The following RYR2 variants were observed in gnomAD, a reference collection of about 807,000 sequenced individuals.
RYR2 encodes the protein cardiac muscle ryanodine receptor-calcium release channel.
Under a neutral mutation model 601.1 loss-of-function variants are expected in RYR2, and 227 were observed. That is an observed-to-expected ratio of 0.38 (90% confidence interval 0.34 to 0.42). RYR2 has a LOEUF of 0.42. Ranked by LOEUF, RYR2 falls within the 10% of genes least tolerant of loss-of-function variation. The pLI is 1.00. For missense variants in RYR2, 4,646 were observed against 6,156.5 expected, an observed-to-expected ratio of 0.75 and a Z score of 8.21; for synonymous variants, 2,223 against 2,175.1, an observed-to-expected ratio of 1.02 and a Z score of -0.61.
At chr1:237,608,322 G>A (rs1183043510) in intron 35 of RYR2, among the ~76,000 whole-genome samples, 1 of 152,120 alleles carries the variant, frequency 6.6e-6, no homozygotes, top group Non-Finnish European at 1.5e-5. Context: ...TGCCGTAGAT[G>A]GACTCATACA....
intron 63 of RYR2, among the ~76,000 whole-genome samples, chr1:237,692,662 AT>A (rs1446396520): frequency 6.6e-6 from 1 of 152,112 alleles, no homozygotes; most frequent in Non-Finnish European, 1.5e-5. Context: ...TGCTGTAATT[AT>A]CGCCTGAGTA....
rs1668565731 is a variant in RYR2 at position 237,105,525 on chromosome 1, T to A, written c.48+62956T>A. On this transcript the variant is annotated intron_variant, in intron 1 of 104. Coordinates refer to ENST00000366574, the MANE Select transcript of RYR2 (RefSeq NM_001035.3). ...CAGCCTGGCCAACATGGTGAAAACCTGTCTCTACTAAAAATACAAAAATTA... is the reference window on the plus strand; with the variant it reads ...CAGCCTGGCCAACATGGTGAAAACCAGTCTCTACTAAAAATACAAAAATTA... 2.6e-5 allele frequency among the ~76,000 whole-genome samples: 4 copies of A among 152,098 alleles called. No individual in the cohort carries two copies. In the South Asian group the frequency reaches 8.3e-4, roughly 32 times the overall value.
intron 10 of RYR2, among the ~76,000 whole-genome samples, chr1:237,414,842 G>A (rs1035354424): frequency 3.9e-5 from 6 of 152,140 alleles, no homozygotes; most frequent in East Asian, 1.9e-4. Context: ...CCTAGAGGAC[G>A]TATGTTAAGT....
intron 1 of RYR2, among the ~76,000 whole-genome samples, chr1:237,127,860 G>A (rs1187145212): frequency 3.4e-5 from 5 of 147,064 alleles, no homozygotes. Flanking sequence ...CACTTCCTAG[G>A]TGGGATGGCG....
intron 2 of RYR2, among the ~76,000 whole-genome samples, chr1:237,298,557 C>A (rs1413456411): frequency 6.6e-6 from 1 of 152,050 alleles, no homozygotes; most frequent in Non-Finnish European, 1.5e-5. Flanking sequence ...AAATCCTTAA[C>A]CTTGGCTCTA....
At chr1:237,114,191 A>G (rs564952367) in intron 1 of RYR2, among the ~76,000 whole-genome samples, 1 of 152,262 alleles carries the variant, frequency 6.6e-6, no homozygotes, top group South Asian at 2.1e-4. Flanking sequence ...GAGAAAAGTC[A>G]AAGAACCAGG....
intron 84 of RYR2, among the ~76,000 whole-genome samples, chr1:237,767,296 C>A (rs1379685060): frequency 6.6e-6 from 1 of 152,048 alleles, no homozygotes; most frequent in Non-Finnish European, 1.5e-5. Flanking sequence ...CTGATGGTAA[C>A]TTTACAACAT....
Position 237,793,985 on chromosome 1 carries a change from T to C in RYR2, c.13901T>C (p.Val4634Ala), listed in dbSNP as rs1384324063. Residue 4634 changes from valine (V) to alanine (A), a missense_variant, in exon 95 of 105, where the codon GTA (valine) becomes GCA (alanine). By Grantham distance (64) the Val-to-Ala change is moderately conservative. Coordinates refer to ENST00000366574, the MANE Select transcript of RYR2 (RefSeq NM_001035.3). ...ATTAAAGGCCAGTGGGATAGACTCG[T>C]AATCAACACACAGTGAGTAAATAAT... is the stretch of plus-strand genomic sequence containing the variant. Reference protein sequence around the residue: ...DDIKGQWDRLVINTQSFPNNY... With the variant: ...DDIKGQWDRLAINTQSFPNNY... 6.8e-6 allele frequency: 11 copies of C among 1,611,358 alleles called. No individual in the cohort carries two copies. The Middle Eastern group carries it at 5.0e-4, about 73-fold the overall frequency.
intron 1 of RYR2, among the ~76,000 whole-genome samples, chr1:237,074,575 C>G (rs947987279): frequency 6.6e-6 from 1 of 152,160 alleles, no homozygotes; most frequent in East Asian, 1.9e-4. Flanking sequence ...AAATGTTCTG[C>G]CACAACCTCC....
chr1:237,179,401 T>G (rs1678444764), intron 1 of RYR2, among the ~76,000 whole-genome samples: 1 of 152,082 alleles, frequency 6.6e-6, no homozygotes, highest in Non-Finnish European at 1.5e-5. Flanking sequence ...AGATTTTACT[T>G]GGGATCACCC....
At chr1:237,572,355 G>T (rs1020376289) in intron 29 of RYR2, among the ~76,000 whole-genome samples, 1 of 152,144 alleles carries the variant, frequency 6.6e-6, no homozygotes, top group Non-Finnish European at 1.5e-5. Flanking sequence ...AGTTCTGTTT[G>T]TATGGTACGT....
At chr1:237,256,542 G>A (rs1688006508) in intron 1 of RYR2, among the ~76,000 whole-genome samples, 2 of 152,128 alleles carry the variant, frequency 1.3e-5, no homozygotes, top group African/African-American at 4.8e-5. Flanking sequence ...ACCTTCCTTG[G>A]TTCTCTGCTG....
chr1:237,245,462 A>G (rs1296279329), intron 1 of RYR2, among the ~76,000 whole-genome samples: 1 of 152,182 alleles, frequency 6.6e-6, no homozygotes, highest in Admixed American at 6.5e-5. Flanking sequence ...GAGTAAGAAT[A>G]CAGGGTGAGA....
At chr1:237,795,972 GTATATA>G (rs3999766) in intron 96 of RYR2, among the ~76,000 whole-genome samples, 90,749 of 147,284 alleles carry the variant, frequency 0.62, 29,243 homozygotes, top group East Asian at 0.95. Flanking sequence ...GTATGTATAT[GTATATA>G]TGTATATACA....
At chr1:237,813,517 A>T (rs1661468753) in intron 100 of RYR2, among the ~76,000 whole-genome samples, 1 of 152,174 alleles carries the variant, frequency 6.6e-6, no homozygotes, top group Non-Finnish European at 1.5e-5. Context: ...CAGTCGTCAT[A>T]GTTGACCCCA....
rs1423440601 is a variant in RYR2 at position 237,145,334 on chromosome 1, C to T, written c.48+102765C>T. On this transcript the variant is annotated intron_variant, in intron 1 of 104. Coordinates refer to ENST00000366574, the MANE Select transcript of RYR2 (RefSeq NM_001035.3). ...CTATGTGGTTGCATTTAGCTGTGCA[C>T]GCTCATTTTTGTTACTATCTAAATA... Among the ~76,000 whole-genome samples, 3 of 152,128 alleles carry T rather than the reference C, an allele frequency of 2.0e-5. No homozygotes were observed. The East Asian group carries it at 5.8e-4, about 29-fold the overall frequency.
intron 50 of RYR2, among the ~76,000 whole-genome samples, chr1:237,650,753 G>A (rs1682646880): frequency 6.6e-6 from 1 of 152,190 alleles, no homozygotes; most frequent in Non-Finnish European, 1.5e-5. Flanking sequence ...CAGTCCCTGG[G>A]GGAAGGGCAA....
intron 100 of RYR2, among the ~76,000 whole-genome samples, chr1:237,818,370 G>C (rs1007904456): frequency 6.6e-6 from 1 of 152,092 alleles, no homozygotes; most frequent in African/African-American, 2.4e-5. Context: ...AATGTCACTG[G>C]TGCTGAAGCC....
intron 17 of RYR2, among the ~76,000 whole-genome samples, chr1:237,474,930 C>A (rs987441240): frequency 6.6e-6 from 1 of 152,176 alleles, no homozygotes; most frequent in African/African-American, 2.4e-5. Flanking sequence ...CCCTTACTTG[C>A]AGCTGAACAC....
Sources: allele counts gnomAD v4.1 joint callset (sites outside exome capture counted in the v4.1 genomes callset), GRCh38; gene constraint gnomAD v4.1.1; transcripts MANE v1.5; gene names NCBI Gene and HGNC (gene_info 2026-07-23, HGNC 2026-07-21).